Variants in EYS observed in about 807,000 individuals in gnomAD.
The protein encoded by EYS is EGF-like photoreceptor maintenance factor.
A neutral mutation model predicts 282.1 loss-of-function variants in EYS; 250 were observed. The observed-to-expected ratio is 0.89, with a 90% CI of 0.80 to 0.98. The LOEUF (loss-of-function observed/expected upper bound fraction) is 0.98. EYS is among the 50% of genes least tolerant of loss of function. The pLI is 0.00. For missense variants in EYS, 4,016 were observed against 3,709.0 expected, an observed-to-expected ratio of 1.08 and a Z score of -2.15; for synonymous variants, 1,355 against 1,282.9, an observed-to-expected ratio of 1.06 and a Z score of -1.20.
chr6:65,266,657 C>T (rs1245840457), intron 12 of EYS, among the ~76,000 whole-genome samples: 1 of 151,466 alleles, frequency 6.6e-6, no homozygotes, highest in African/African-American at 2.4e-5. Context: ...GGGATATTGG[C>T]CTGAAATTTT....
chr6:64,551,536 CTTT>C (rs34550861), intron 26 of EYS, among the ~76,000 whole-genome samples: 2 of 131,782 alleles, frequency 1.5e-5, no homozygotes, highest in African/African-American at 2.8e-5. Context: ...CAAGTGCATT[CTTT>C]TTTTTTTTTT....
intron 35 of EYS, among the ~76,000 whole-genome samples, chr6:63,871,998 C>T (rs1478430047): frequency 6.6e-6 from 1 of 152,180 alleles, no homozygotes; most frequent in Admixed American, 6.5e-5. Flanking sequence ...CTAGGTGTCC[C>T]AGTGGGCAAA....
At chr6:64,830,587 A>C (rs1407416392) in intron 19 of EYS, among the ~76,000 whole-genome samples, 6 of 151,972 alleles carry the variant, frequency 3.9e-5, no homozygotes, top group Non-Finnish European at 5.9e-5. Context: ...TAATTTGCAC[A>C]GGAGAGGAGG....
At chr6:65,152,340 G>A (rs1764632989) in intron 12 of EYS, among the ~76,000 whole-genome samples, 1 of 151,910 alleles carries the variant, frequency 6.6e-6, no homozygotes, top group Non-Finnish European at 1.5e-5. Context: ...CAGTGTTGAA[G>A]CTCTAACCCC....
At chr6:64,294,863 T>A (rs1768854703) in intron 30 of EYS, among the ~76,000 whole-genome samples, 1 of 152,124 alleles carries the variant, frequency 6.6e-6, no homozygotes, top group Non-Finnish European at 1.5e-5. Flanking sequence ...TTACATGCCT[T>A]TTTAATAAAG....
At chr6:65,412,882 C>A (rs776686090) in intron 5 of EYS, among the ~76,000 whole-genome samples, 1 of 152,088 alleles carries the variant, frequency 6.6e-6, no homozygotes, top group Non-Finnish European at 1.5e-5. Flanking sequence ...AGTGCCATAT[C>A]TAAGAGCTCT....
In EYS at chr6:65,057,723, C is replaced by A. The variant is rs758722034; in HGVS notation, c.2028G>T (p.Thr676=). The A allele has an allele frequency of 1.9e-6, 3 of 1,540,204 alleles. No individual in the cohort carries two copies. Among genetic ancestry groups the A allele is most frequent in the Non-Finnish European group, 1.8e-6 (2 of 1,137,662 alleles). Reference sequence around the variant, plus strand: ...ACTCATCTATATCAATTTCACATTGCGTACCTTTGGAAAATAGGAAAAAAA... The same window carrying A: ...ACTCATCTATATCAATTTCACATTGAGTACCTTTGGAAAATAGGAAAAAAA... The part of the protein sequence containing the change: ...FRKCVPGFKG[T]QCEIDIDECA... The change falls in exon 13 of 43, where the codon ACG becomes ACT. Residue 676 remains threonine, a synonymous_variant. Transcript: ENST00000503581.
intron 2 of EYS, among the ~76,000 whole-genome samples, chr6:65,540,047 T>C (rs1177049908): frequency 6.6e-6 from 1 of 152,238 alleles, no homozygotes; most frequent in Non-Finnish European, 1.5e-5. Flanking sequence ...TATATTCCCA[T>C]GTCTTTGCAC....
At chr6:63,997,862 TA>T (rs1386502124) in intron 34 of EYS, among the ~76,000 whole-genome samples, 1 of 152,176 alleles carries the variant, frequency 6.6e-6, no homozygotes, top group South Asian at 2.1e-4. Flanking sequence ...GATCTTTCAA[TA>T]TAAAAAATGG....
chr6:65,478,079 C>T (rs979088301), intron 5 of EYS, among the ~76,000 whole-genome samples: 2 of 152,028 alleles, frequency 1.3e-5, no homozygotes, highest in African/African-American at 4.8e-5. Context: ...AAATTTGAAT[C>T]GATCACAGGC....
intron 22 of EYS, among the ~76,000 whole-genome samples, chr6:64,769,216 T>C (rs1773450500): frequency 1.3e-5 from 2 of 152,102 alleles, no homozygotes; most frequent in South Asian, 2.1e-4. Context: ...TTTATAGATG[T>C]TCTGCAGATA....
chr6:63,919,065 C>A (rs549635209), intron 35 of EYS, among the ~76,000 whole-genome samples: 1 of 152,164 alleles, frequency 6.6e-6, no homozygotes, highest in South Asian at 2.1e-4. Context: ...TGCTCTGAGG[C>A]CATTTTTCTA....
At chr6:64,885,315 A>G (rs1767054432) in intron 19 of EYS, among the ~76,000 whole-genome samples, 1 of 151,742 alleles carries the variant, frequency 6.6e-6, no homozygotes, top group African/African-American at 2.4e-5. Context: ...CCATATTTTG[A>G]AATGAAATTA....
intron 1 of EYS, among the ~76,000 whole-genome samples, chr6:65,698,528 A>C (rs9354278): frequency 6.6e-6 from 1 of 152,134 alleles, no homozygotes. Flanking sequence ...ATGCTAAAAA[A>C]ATGAAGAATG....
chr6:65,375,809 C>T (rs762912972), intron 8 of EYS, among the ~76,000 whole-genome samples: 5 of 151,660 alleles, frequency 3.3e-5, no homozygotes, highest in African/African-American at 2.4e-5. Flanking sequence ...TGAAATAAAG[C>T]GTGAAGACAA....
intron 33 of EYS, among the ~76,000 whole-genome samples, chr6:64,055,992 C>T (rs1770970069): frequency 6.6e-6 from 1 of 151,986 alleles, no homozygotes; most frequent in Non-Finnish European, 1.5e-5. Flanking sequence ...GCCCAGAGGC[C>T]CCTCGGGATG....
At chr6:64,009,891 G>A (rs78869305) in intron 33 of EYS, among the ~76,000 whole-genome samples, 365 of 152,176 alleles carry the variant, frequency 2.4e-3, no homozygotes, top group African/African-American at 8.4e-3. Context: ...GCTATCCTTT[G>A]GATGTGTTTT....
intron 35 of EYS, among the ~76,000 whole-genome samples, chr6:63,911,020 G>A (rs1343607622): frequency 1.3e-5 from 2 of 151,732 alleles, no homozygotes; most frequent in Non-Finnish European, 2.9e-5. Flanking sequence ...TGCTTTATCA[G>A]TGAGAGAGAA....
At chr6:64,837,667 G>A (rs1311513462) in intron 19 of EYS, among the ~76,000 whole-genome samples, 2 of 109,400 alleles carry the variant, frequency 1.8e-5, no homozygotes, top group East Asian at 4.8e-4. Flanking sequence ...ATATGTATAT[G>A]ATATATATAT....
Sources: allele counts gnomAD v4.1 joint callset (sites outside exome capture counted in the v4.1 genomes callset), GRCh38; gene constraint gnomAD v4.1.1; transcripts MANE v1.5; gene names NCBI Gene and HGNC (gene_info 2026-07-23, HGNC 2026-07-21).